EPB41L1: variants seen among roughly 807,000 people sequenced by gnomAD.
EPB41L1 encodes the protein erythrocyte membrane protein band 4.1 like 1.
A neutral mutation model predicts 97.8 loss-of-function variants in EPB41L1; 29 were observed. The observed-to-expected ratio is 0.30, with a 90% CI of 0.22 to 0.40. The LOEUF (loss-of-function observed/expected upper bound fraction) is 0.40, where lower values mean the gene tolerates loss of function less well. EPB41L1 is among the 10% of genes least tolerant of loss of function. The probability of loss-of-function intolerance (pLI) is 1.00; values close to 1 mark genes in which losing one functional copy is unlikely to be tolerated. For synonymous variants in EPB41L1, 383 were observed against 459.2 expected (o/e 0.83, Z 2.12); for missense variants, 812 against 1,162.3 (o/e 0.70, Z 4.38).
intron 4 of EPB41L1, 150 bp downstream of exon 4, chr20:36,178,206 T>C: frequency 1.4e-6 from 1 of 704,940 alleles, no homozygotes; most frequent in South Asian, 1.6e-5. Context: ...CCACCTGCGG[T>C]TCCCTGTCTC....
chr20:36,129,947 GT>G (rs1338546780), intron 2 of EPB41L1, among the ~76,000 whole-genome samples: 16 of 127,798 alleles, frequency 1.3e-4, no homozygotes, highest in African/African-American at 2.4e-4. Flanking sequence ...TTTTTTTTTT[GT>G]TTTTTTTTTT....
At chr20:36,222,215 C>A (rs1222795054) in intron 20 of EPB41L1, 63 bp from the exon 21 acceptor site, 5 of 1,437,572 alleles carry the variant, frequency 3.5e-6, no homozygotes, top group Non-Finnish European at 4.9e-6. Flanking sequence ...GCTTGCTGTT[C>A]TTCACAGTCT....
Position 36,195,416 on chromosome 20 carries a change from A to C in EPB41L1, c.1485+52A>C. 3.7e-5 allele frequency: 59 copies of C among 1,597,032 alleles called. No homozygotes were observed. The highest frequency in any genetic ancestry group is 4.3e-5 in the Non-Finnish European group (50 of 1,164,972). The stretch of plus-strand genomic sequence containing the variant: ...ACCCAGCCGTTCCCATCCCTAGCTC[A>C]TTTGTCACCATCCCACAGTCCATCC... On this transcript the variant is annotated intron_variant, in intron 13 of 21. Transcript: ENST00000338074. The surrounding 1 kb of genome is among the most constrained non-coding windows in gnomAD (Gnocchi z 4.6).
At chr20:36,095,778 T>G (rs1031511188) in intron 1 of EPB41L1, among the ~76,000 whole-genome samples, 1 of 152,142 alleles carries the variant, frequency 6.6e-6, no homozygotes, top group African/African-American at 2.4e-5. Flanking sequence ...GCGTGGTGGC[T>G]CACGCCTGTA....
At chr20:36,125,572 A>G (rs1179602378) in intron 2 of EPB41L1, 1 of 1,533,866 alleles carries the variant, frequency 6.5e-7, no homozygotes, top group Non-Finnish European at 8.7e-7. Context: ...TCAGAAAGGT[A>G]GATTGAACCA....
chr20:36,195,259 T>C lies in EPB41L1; in HGVS notation c.1450-70T>C. The stretch of plus-strand genomic sequence containing the variant: ...TGGGCTCCTTGCTGGACCAAGCCCA[T>C]CGTGGTATCTCTAATCCATCTGCTC... On this transcript the variant is annotated intron_variant, in intron 12 of 21. Transcript: ENST00000338074. This position sits in a 1 kb window ranked among gnomAD's most constrained non-coding sequence, Gnocchi z 4.6. 6.3e-7 allele frequency: 1 copy of C among 1,594,458 alleles called. No homozygotes were observed. The highest frequency in any genetic ancestry group is 8.6e-7 in the Non-Finnish European group (1 of 1,162,820).
intron 7 of EPB41L1, among the ~76,000 whole-genome samples, chr20:36,185,772 C>G (rs2061659224): frequency 6.6e-6 from 1 of 152,202 alleles, no homozygotes; most frequent in Non-Finnish European, 1.5e-5. Flanking sequence ...GGTCATTTCA[C>G]TTCCTATGCT....
chr20:36,132,791 A>G (rs1167962897), intron 2 of EPB41L1, among the ~76,000 whole-genome samples: 1 of 152,130 alleles, frequency 6.6e-6, no homozygotes, highest in African/African-American at 2.4e-5. Flanking sequence ...AGTGTGATAA[A>G]TGTGTTCAGT....
Position 36,198,177 on chromosome 20 carries a change from G to A in EPB41L1, c.1668+136G>A, listed in dbSNP as rs1055934338. ...TTAGGGGCTGGTGGGGATGGAGAGGGTGGTAGATTAGGCTGAGGGAGATGA... is the reference window on the plus strand; with the variant it reads ...TTAGGGGCTGGTGGGGATGGAGAGGATGGTAGATTAGGCTGAGGGAGATGA... On this transcript the variant is annotated intron_variant, in intron 14 of 21. Transcript: ENST00000338074. 7.2e-6 allele frequency: 6 copies of A among 828,952 alleles called. No individual in the cohort carries two copies. In the African/African-American group the frequency reaches 8.5e-5, roughly 12 times the overall value. The allele number at this position is 828,952 out of a possible 1,614,324, so 51.3% of individuals were successfully genotyped here.
chr20:36,164,654 C>T (rs1230533594), intron 1 of EPB41L1, among the ~76,000 whole-genome samples: 1 of 152,114 alleles, frequency 6.6e-6, no homozygotes, highest in African/African-American at 2.4e-5. Flanking sequence ...TCCTCTGTAT[C>T]CAGCAGAATA....
At position 36,190,679 on chromosome 20, in the gene EPB41L1, G is replaced by T; in HGVS notation, c.1182G>T (p.Arg394=). The T allele has an allele frequency of 6.2e-7, 1 of 1,614,076 alleles. No individual in the cohort carries two copies. Among genetic ancestry groups the T allele is most frequent in the Non-Finnish European group, 8.5e-7 (1 of 1,180,008 alleles). The change falls in exon 11 of 22, where the codon CGG becomes CGT. Residue 394 remains arginine, a synonymous_variant. Transcript: ENST00000338074. This position sits in a 1 kb window ranked among gnomAD's most constrained non-coding sequence, Gnocchi z 5.8. ...TCCTGGTGATGGGCTCCAAGTTCCG[G>T]TACAGTGGGAGGACCCAGGCACAGA... The part of the protein sequence containing the change: ...KGFLVMGSKF[R]YSGRTQAQTR...
chr20:36,208,859 G>A (rs1394905098), intron 14 of EPB41L1, among the ~76,000 whole-genome samples: 1 of 152,158 alleles, frequency 6.6e-6, no homozygotes, highest in Non-Finnish European at 1.5e-5. Context: ...GTCCACTCAT[G>A]GAGCCCAGGG....
chr20:36,162,955 G>C (rs997621297), intron 1 of EPB41L1, among the ~76,000 whole-genome samples: 1 of 152,174 alleles, frequency 6.6e-6, no homozygotes, highest in East Asian at 1.9e-4. Flanking sequence ...AAAGTGGCTT[G>C]AGGTCTCAGA....
In EPB41L1 at chr20:36,207,795, G is replaced by A. The variant is rs562541552; in HGVS notation, c.1669-1693G>A. 1.4e-5 allele frequency: 18 copies of A among 1,283,718 alleles called. No individual in the cohort carries two copies. The highest frequency in any genetic ancestry group is 6.9e-5 in the Admixed American group (3 of 43,384). 79.5% of individuals were successfully genotyped at this position (1,283,718 alleles called of 1,614,324 possible). ...CTGGAACTGGGGTAACTGGCCGCGTGAGCCCCCGCCCCCACCGCTGCTCCC... is the reference window on the plus strand; with the variant it reads ...CTGGAACTGGGGTAACTGGCCGCGTAAGCCCCCGCCCCCACCGCTGCTCCC... On this transcript the variant is annotated intron_variant, in intron 14 of 21. Coordinates refer to ENST00000338074, the MANE Select transcript of EPB41L1 (RefSeq NM_012156.2). This position sits in a 1 kb window ranked among gnomAD's most constrained non-coding sequence, Gnocchi z 4.9.
chr20:36,104,069 A>G (rs2058110352), intron 1 of EPB41L1, among the ~76,000 whole-genome samples: 1 of 152,162 alleles, frequency 6.6e-6, no homozygotes, highest in Non-Finnish European at 1.5e-5. Flanking sequence ...CCAGGGTGAG[A>G]GACAAAAAAA....
intron 18 of EPB41L1, 92 bp from the exon 19 acceptor site, chr20:36,219,669 T>A: frequency 9.3e-7 from 1 of 1,079,590 alleles, no homozygotes; most frequent in Non-Finnish European, 1.4e-6. Flanking sequence ...AACGTCACCT[T>A]CACAGAGCCC....
intron 1 of EPB41L1, among the ~76,000 whole-genome samples, chr20:36,160,576 C>T (rs898333897): frequency 3.2e-4 from 48 of 149,946 alleles, no homozygotes; most frequent in African/African-American, 1.2e-3. Context: ...GGTGACAGAG[C>T]GAGACTCCGT....
At chr20:36,211,670 A>G (rs2063141806) in intron 15 of EPB41L1, among the ~76,000 whole-genome samples, 1 of 152,142 alleles carries the variant, frequency 6.6e-6, no homozygotes, top group Admixed American at 6.5e-5. Flanking sequence ...CCTGGCCAAC[A>G]TGGTGAAACC....
At chr20:36,208,885 A>G (rs1351375181) in intron 14 of EPB41L1, among the ~76,000 whole-genome samples, 1 of 152,028 alleles carries the variant, frequency 6.6e-6, no homozygotes, top group East Asian at 1.9e-4. Flanking sequence ...CTGGCGTAGC[A>G]CTCAGCTCCC....
Sources: gnomAD v4.1 joint callset for allele counts (sites outside exome capture counted in the v4.1 genomes callset) on GRCh38, gnomAD v4.1.1 for gene constraint, Gnocchi (gnomAD v3.1) non-coding constraint, MANE v1.5 for transcripts, NCBI Gene and HGNC (gene_info 2026-07-23, HGNC 2026-07-21) for gene names.